TF: variants seen among roughly 807,000 people sequenced by gnomAD.
TF encodes serotransferrin.
In TF, 55 loss-of-function variants were observed where a neutral mutation model predicts 82.4. That is an observed-to-expected ratio of 0.67 (90% confidence interval 0.54 to 0.84). The LOEUF is 0.84. Among genes scored for constraint, TF ranks in the 40% least tolerant of loss-of-function variants. The probability of loss-of-function intolerance (pLI) is 0.00; values close to 1 mark genes in which losing one functional copy is unlikely to be tolerated. For synonymous variants in TF, 332 were observed against 332.6 expected, an observed-to-expected ratio of 1.00 and a Z score of 0.02; for missense variants, 737 against 868.4, an observed-to-expected ratio of 0.85 and a Z score of 1.90.
chr3:133,723,972 A>G, the TF span, among the ~76,000 whole-genome samples: 33 of 152,272 alleles, frequency 2.2e-4, no homozygotes, highest in African/African-American at 6.7e-4. Flanking sequence ...ATGTCCCTAC[A>G]AAGGACATGA....
the TF span, chr3:133,699,760 T>A: frequency 5.4e-6 from 2 of 371,922 alleles, no homozygotes; most frequent in Non-Finnish European, 1.0e-5. Context: ...CCACATGTGA[T>A]CCTCTTCACT....
chr3:133,705,514 G>A, the TF span, among the ~76,000 whole-genome samples: 1 of 152,184 alleles, frequency 6.6e-6, no homozygotes, highest in Admixed American at 6.5e-5. Context: ...TTCTTTGCCT[G>A]CATCTGCTAG....
the TF span, among the ~76,000 whole-genome samples, chr3:133,717,741 A>G: frequency 6.6e-6 from 1 of 152,226 alleles, no homozygotes; most frequent in Non-Finnish European, 1.5e-5. Flanking sequence ...TTGGTTCTCA[A>G]AAAAGTAACA....
At chr3:133,686,757 T>C in the TF span, among the ~76,000 whole-genome samples, 7 of 151,894 alleles carry the variant, frequency 4.6e-5, no homozygotes, top group African/African-American at 1.7e-4. Context: ...GGTGGGAGTG[T>C]CAGTTCAGCC....
the TF span, among the ~76,000 whole-genome samples, chr3:133,727,332 G>T: frequency 6.6e-6 from 1 of 150,680 alleles, no homozygotes; most frequent in South Asian, 2.2e-4. Flanking sequence ...TATGAATCTG[G>T]GTGCTCCTGT....
the TF span, among the ~76,000 whole-genome samples, chr3:133,702,442 T>C: frequency 6.6e-6 from 1 of 151,942 alleles, no homozygotes; most frequent in Non-Finnish European, 1.5e-5. Flanking sequence ...GTTTATTTTT[T>C]CTGGTTATAA....
chr3:133,758,560 G>T (rs951601301), intron 8 of TF, among the ~76,000 whole-genome samples: 1 of 152,182 alleles, frequency 6.6e-6, no homozygotes, highest in African/African-American at 2.4e-5. Context: ...CAAAGTAAGA[G>T]ATATGTTTAA....
At position 133,778,601 on chromosome 3, in the gene TF, G is replaced by T. The variant is rs1450435356; in HGVS notation, c.2078G>T (p.Cys693Phe). The T allele has an allele frequency of 3.7e-6, 6 of 1,613,140 alleles. No individual in the cohort carries two copies. The highest frequency in any genetic ancestry group is 5.1e-6 in the Non-Finnish European group (6 of 1,179,372). Residue 693 changes from cysteine to phenylalanine, a missense_variant, in exon 17 of 17, where the codon TGC becomes TTC. Physicochemically the swap from Cys to Phe is radical, Grantham distance 205. Coordinates refer to ENST00000402696, the MANE Select transcript of TF (RefSeq NM_001063.4). Reference sequence around the variant, plus strand: ...TGCTCCACAGCACTCCTGGAAGCCTGCACTTTCCGTAGACCTTAAAATCTC... The same window carrying T: ...TGCTCCACAGCACTCCTGGAAGCCTTCACTTTCCGTAGACCTTAAAATCTC... ...KCSTSSLLEACTFRRP is the reference protein window; with the variant it reads ...KCSTSSLLEAFTFRRP
rs775040304 is a variant in TF at position 133,755,382 on chromosome 3, G to A, written c.522G>A (p.Ser174=). ...GAGCAGCAGTGGCCAATTTCTTCTC[G>A]GGCAGCTGTGCCCCTTGTGCGGATG... ...PLEKAVANFF[S]GSCAPCADGT... is the part of the protein sequence containing the mutation. The change falls in exon 5 of 17, where the codon TCG becomes TCA. Residue 174 remains serine, a synonymous_variant. Coordinates refer to ENST00000402696, the MANE Select transcript of TF (RefSeq NM_001063.4). The A allele has an allele frequency of 2.4e-5, 39 of 1,614,036 alleles. No homozygotes were observed. The highest frequency in any genetic ancestry group is 2.4e-5 in the Non-Finnish European group (28 of 1,180,044).
In TF at chr3:133,757,759, C is replaced by G; in HGVS notation, c.871-10C>G. 6.2e-7 allele frequency: 1 copy of G among 1,613,318 alleles called. No individual in the cohort carries two copies. Among genetic ancestry groups the G allele is most frequent in the Non-Finnish European group, 8.5e-7 (1 of 1,179,212 alleles). On this transcript the variant is annotated splice_polypyrimidine_tract_variant and intron_variant, in intron 7 of 16. Coordinates refer to ENST00000402696, the MANE Select transcript of TF (RefSeq NM_001063.4). The stretch of plus-strand genomic sequence containing the variant: ...TGTTGCCATCCACTATTCTGTTTTT[C>G]TATGAACAGGAACATTTTGGCAAAG...
At chr3:133,666,106 T>C in the TF span, among the ~76,000 whole-genome samples, 8 of 152,324 alleles carry the variant, frequency 5.3e-5, no homozygotes, top group Middle Eastern at 3.4e-3. Context: ...TTTTGAGTTA[T>C]AGAGTTTTAT....
intron 4 of TF, among the ~76,000 whole-genome samples, chr3:133,754,890 G>C (rs549593678): frequency 6.6e-6 from 1 of 152,344 alleles, no homozygotes; most frequent in East Asian, 1.9e-4. Context: ...CCCAGCAGAG[G>C]CTGTTCTGAT....
the TF span, among the ~76,000 whole-genome samples, chr3:133,680,121 G>A: frequency 2.0e-5 from 3 of 152,098 alleles, no homozygotes; most frequent in Non-Finnish European, 2.9e-5. Context: ...CTTTTATGAT[G>A]TTTCTATGTG....
At chr3:133,724,567 A>G in the TF span, among the ~76,000 whole-genome samples, 1 of 152,208 alleles carries the variant, frequency 6.6e-6, no homozygotes, top group Non-Finnish European at 1.5e-5. Context: ...CCTTTGTCAG[A>G]TGAGTCGGTT....
chr3:133,770,932 G>T (rs998427456), intron 14 of TF: 1 of 325,482 alleles, frequency 3.1e-6, no homozygotes, highest in Non-Finnish European at 5.8e-6. Flanking sequence ...TTTAATACTC[G>T]TCACGTCCAC....
rs1239952785 is a variant in TF at position 133,781,953 on chromosome 3, T to C, written c.*3333T>C. ...TTGATAAAGAACTCATACAACTCAA[T>C]AGCAGGAAAACAAATGATCCCAGTT... On this transcript the variant is annotated 3_prime_UTR_variant, in exon 17 of 17. Transcript: ENST00000402696. 1 of 152,028 alleles carries C rather than the reference T, an allele frequency of 6.6e-6. No homozygotes were observed. The highest frequency in any genetic ancestry group is 1.5e-5 in the Non-Finnish European group (1 of 68,002). 9.4% of individuals were successfully genotyped at this position (152,028 alleles called of 1,614,324 possible). A position where few individuals can be genotyped will look rare whatever the true frequency, so the allele number is the denominator to read the frequency against.
At chr3:133,742,239 T>G (rs1933406530), upstream of TF, among the ~76,000 whole-genome samples, 1 of 152,144 alleles carries the variant, frequency 6.6e-6, no homozygotes, top group African/African-American at 2.4e-5. Flanking sequence ...GCCTCAGGCT[T>G]CCAAAGCCCT....
intron 14 of TF, chr3:133,773,489 G>C (rs1159350472): frequency 5.9e-5 from 4 of 67,976 alleles, no homozygotes; most frequent in Admixed American, 2.0e-4. Context: ...CACAATTTGT[G>C]TGTGTGTGTG....
At chr3:133,774,772 T>C (rs1934343230) in intron 14 of TF, 1 of 182,382 alleles carries the variant, frequency 5.5e-6, no homozygotes, top group Non-Finnish European at 1.2e-5. Context: ...AAGGTTGCAA[T>C]TCTGAATTAT....
Sources: allele counts gnomAD v4.1 joint callset (sites outside exome capture counted in the v4.1 genomes callset), GRCh38; gene constraint gnomAD v4.1.1; transcripts MANE v1.5; gene names NCBI Gene and HGNC (gene_info 2026-07-23, HGNC 2026-07-21).